Variants in ZZEF1 observed in about 807,000 individuals in gnomAD.
ZZEF1 encodes the protein zinc finger ZZ-type and EF-hand domain containing 1, also known as zinc finger ZZ-type and EF-hand domain-containing protein 1.
ZZEF1 carries 157 observed loss-of-function variants against 342.8 expected under a neutral mutation model. The ratio of observed to expected loss-of-function variants is 0.46; its 90% CI spans 0.40 to 0.52. The LOEUF (loss-of-function observed/expected upper bound fraction) is 0.52. Ranked by LOEUF, ZZEF1 falls within the 20% of genes least tolerant of loss-of-function variation. The pLI is 0.00. For synonymous variants in ZZEF1, 1,505 were observed against 1,429.1 expected, an observed-to-expected ratio of 1.05 and a Z score of -1.20; for missense variants, 3,480 against 3,725.6, an observed-to-expected ratio of 0.93 and a Z score of 1.72.
chr17:4,027,094 G>A (rs1336788874), intron 42 of ZZEF1, among the ~76,000 whole-genome samples: 1 of 151,864 alleles, frequency 6.6e-6, no homozygotes, highest in East Asian at 1.9e-4. Flanking sequence ...AAATATAAAA[G>A]CTAATGTTTT....
intron 1 of ZZEF1, among the ~76,000 whole-genome samples, chr17:4,142,310 C>G (rs577867610): frequency 6.0e-4 from 92 of 152,364 alleles, no homozygotes; most frequent in African/African-American, 4.1e-4. Context: ...TTACAACATA[C>G]AGAGAGAGAC....
At chr17:4,119,211 C>A (rs575200239) in intron 2 of ZZEF1, among the ~76,000 whole-genome samples, 5 of 152,338 alleles carry the variant, frequency 3.3e-5, no homozygotes, top group African/African-American at 1.2e-4. Context: ...CAATCGGAGT[C>A]ACCACTTGGT....
chr17:4,030,933 C>G (rs1205758236), intron 42 of ZZEF1, among the ~76,000 whole-genome samples: 4 of 152,130 alleles, frequency 2.6e-5, no homozygotes, highest in Non-Finnish European at 5.9e-5. Flanking sequence ...AATCCCAGCA[C>G]TTTGGGAGGC....
At chr17:4,013,266 A>G (rs2056012818) in intron 52 of ZZEF1, among the ~76,000 whole-genome samples, 183 bp downstream of exon 52, 1 of 152,234 alleles carries the variant, frequency 6.6e-6, no homozygotes, top group African/African-American at 2.4e-5. Context: ...CCTTCGAGTA[A>G]GGCAAACATT....
Position 4,114,360 on chromosome 17 carries a change from T to C in ZZEF1, c.805A>G (p.Thr269Ala). Residue 269 changes from threonine to alanine, a missense_variant, in exon 4 of 55, where the codon ACA (threonine) becomes GCA (alanine). By Grantham distance (58) the Thr-to-Ala change is moderately conservative. Transcript: ENST00000381638. ...CAGTAGGATGAGGTTTCTCCATTTGTCATCTTGTCAATGTCTGCCGAGTTG... is the reference window on the plus strand; with the variant it reads ...CAGTAGGATGAGGTTTCTCCATTTGCCATCTTGTCAATGTCTGCCGAGTTG... ...SSNSADIDKM[T>A]NGETSSYWQS... 1 of 1,612,530 alleles carries C rather than the reference T, an allele frequency of 6.2e-7. No individual in the cohort carries two copies. Among genetic ancestry groups the C allele is most frequent in the South Asian group, 1.1e-5 (1 of 90,604 alleles).
intron 39 of ZZEF1, among the ~76,000 whole-genome samples, chr17:4,038,756 A>G (rs1294735111): frequency 1.3e-5 from 2 of 152,106 alleles, no homozygotes; most frequent in Non-Finnish European, 2.9e-5. Flanking sequence ...CAGTGAGCCG[A>G]GATTGCTCCA....
Position 4,074,300 on chromosome 17 carries a change from T to C in ZZEF1, c.3535A>G (p.Ser1179Gly). ...TTGTAGCCCCATTCGTTGTGACTGCTGTCAGAGTGAAAGAGGAACTGCAAC... is the reference window on the plus strand; with the variant it reads ...TTGTAGCCCCATTCGTTGTGACTGCCGTCAGAGTGAAAGAGGAACTGCAAC... ...PRLQFLFHSD[S>G]SHNEWGYKFT... Residue 1179 changes from serine (S) to glycine (G), a missense_variant, in exon 24 of 55, where the codon AGC becomes GGC. This residue lies in a region of ZZEF1 where 1,528 missense variants were observed against 1,624.1 expected (regional missense o/e 0.94). Transcript: ENST00000381638. The C allele has an allele frequency of 6.2e-7, 1 of 1,614,166 alleles. No individual in the cohort carries two copies.
chr17:4,112,347 T>G (rs1567851921), intron 5 of ZZEF1, among the ~76,000 whole-genome samples: 1 of 151,816 alleles, frequency 6.6e-6, no homozygotes. Flanking sequence ...GGTTTCACCA[T>G]GTTGGCCAGG....
In ZZEF1 at chr17:4,085,675, T is replaced by C. The variant is rs201364904; in HGVS notation, c.2641A>G (p.Met881Val). The C allele has an allele frequency of 5.0e-6, 8 of 1,614,030 alleles. No homozygotes were observed. The highest frequency in any genetic ancestry group is 2.2e-5 in the East Asian group (1 of 44,886). Residue 881 changes from methionine (M) to valine (V), a missense_variant, in exon 16 of 55, where the codon ATG becomes GTG. Around this residue, in one of 5 missense-constraint regions of ZZEF1, gnomAD observed 1,528 missense variants for 1,624.1 expected, o/e 0.94. Transcript: ENST00000381638. Reference protein sequence around the residue: ...RQTRRNHLFTMMNVTEQEHKQ... With the variant: ...RQTRRNHLFTVMNVTEQEHKQ... The stretch of plus-strand genomic sequence containing the variant: ...AGACTTTTAGTAATAATTACCATCA[T>C]GGTGAAGAGATGGTTCCGTCGGGTC...
chr17:4,011,551 T>G (rs77144859), intron 52 of ZZEF1, among the ~76,000 whole-genome samples: 4,187 of 152,122 alleles, frequency 0.028, 206 homozygotes, highest in African/African-American at 0.096. Context: ...GGGGTTTTTT[T>G]TTTGTGTGTG....
intron 5 of ZZEF1, among the ~76,000 whole-genome samples, chr17:4,112,322 T>G (rs2058326198): frequency 6.6e-6 from 1 of 151,270 alleles, no homozygotes; most frequent in Non-Finnish European, 1.5e-5. Flanking sequence ...ATTTTTGTAT[T>G]TTTAGTAGAG....
chr17:4,066,718 G>C (rs1435739451), intron 27 of ZZEF1, among the ~76,000 whole-genome samples, 178 bp from the exon 28 acceptor site: 1 of 152,180 alleles, frequency 6.6e-6, no homozygotes, highest in Non-Finnish European at 1.5e-5. Context: ...GAACACTGGT[G>C]CTGCAGGGGG....
intron 6 of ZZEF1, among the ~76,000 whole-genome samples, 172 bp downstream of exon 6, chr17:4,109,481 A>G (rs1350425298): frequency 2.0e-5 from 3 of 152,130 alleles, no homozygotes; most frequent in Non-Finnish European, 4.4e-5. Flanking sequence ...TCAATCAAAG[A>G]GAGATACACT....
At chr17:4,114,171 A>T in intron 4 of ZZEF1, 128 bp downstream of exon 4, 2 of 662,284 alleles carry the variant, frequency 3.0e-6, no homozygotes, top group East Asian at 6.4e-5. Flanking sequence ...AGGTTACATG[A>T]TTTTACATGA....
At chr17:4,088,589 G>T in intron 13 of ZZEF1, 89 bp downstream of exon 13, 1 of 1,401,532 alleles carries the variant, frequency 7.1e-7, no homozygotes, top group Non-Finnish European at 9.8e-7. Flanking sequence ...TTCCGCAGGG[G>T]CAGGTTTTAT....
intron 32 of ZZEF1, 68 bp downstream of exon 32, chr17:4,057,926 C>T: frequency 1.3e-6 from 2 of 1,508,982 alleles, no homozygotes; most frequent in Non-Finnish European, 1.8e-6. Flanking sequence ...GCTCTTAACG[C>T]CCCCACTATG....
chr17:4,045,191 C>G (rs2056888248), intron 37 of ZZEF1, among the ~76,000 whole-genome samples: 1 of 152,038 alleles, frequency 6.6e-6, no homozygotes, highest in Non-Finnish European at 1.5e-5. Context: ...CATCGCATCC[C>G]CCATCTTCCA....
chr17:4,008,663 C>T lies in ZZEF1; in HGVS notation c.8805+220G>A. 5 of 1,251,944 alleles carry T rather than the reference C, an allele frequency of 4.0e-6. No individual in the cohort carries two copies. Among genetic ancestry groups the T allele is most frequent in the Non-Finnish European group, 4.0e-6 (4 of 997,082 alleles). 77.6% of individuals were successfully genotyped at this position (1,251,944 alleles called of 1,614,324 possible). On this transcript the variant is annotated intron_variant, in intron 54 of 54. Coordinates refer to ENST00000381638, the MANE Select transcript of ZZEF1 (RefSeq NM_015113.4). The surrounding 1 kb of genome is among the most constrained non-coding windows in gnomAD (Gnocchi z 4.2). ...TGTTTTGGTTTTAAAGACACAAATTCTTCTGACCCCACAGTTTAGAGTGAA... is the reference window on the plus strand; with the variant it reads ...TGTTTTGGTTTTAAAGACACAAATTTTTCTGACCCCACAGTTTAGAGTGAA...
intron 39 of ZZEF1, among the ~76,000 whole-genome samples, chr17:4,039,280 C>T (rs1424706448): frequency 6.7e-6 from 1 of 149,478 alleles, no homozygotes; most frequent in East Asian, 1.9e-4. Context: ...CCAGCCTGTC[C>T]AACACAGTGA....
Sources: allele counts gnomAD v4.1 joint callset (sites outside exome capture counted in the v4.1 genomes callset), GRCh38; gene constraint gnomAD v4.1.1; regional missense constraint gnomAD v4.1.1; non-coding constraint Gnocchi (gnomAD v3.1); transcripts MANE v1.5; gene names NCBI Gene and HGNC (gene_info 2026-07-23, HGNC 2026-07-21).